The following NOM1 variants were observed in gnomAD, a reference collection of about 807,000 sequenced individuals.
NOM1 encodes the protein nucleolar protein with MIF4G domain 1.
In NOM1, 58 loss-of-function variants were observed where a neutral mutation model predicts 73.3. That is an observed-to-expected ratio of 0.79 (90% confidence interval 0.64 to 0.99). NOM1 has a LOEUF of 0.99. NOM1 is among the 50% of genes least tolerant of loss of function. NOM1 has a pLI of 0.00. For synonymous variants in NOM1, 487 were observed against 446.8 expected, an observed-to-expected ratio of 1.09 and a Z score of -1.14; for missense variants, 1,226 against 1,131.9, an observed-to-expected ratio of 1.08 and a Z score of -1.19.
chr7:156,949,776 C>A lies in NOM1; in HGVS notation c.39C>A (p.Gly13=). The change falls in exon 1 of 11, where the codon GGC becomes GGA. Residue 13 remains glycine (G), a synonymous_variant. Transcript: ENST00000275820. ...GGAGCGCGGGAGAGGCCGGCCCGGG[C>A]GGCTCCCAGGGACGCGTGGTCCGCA... ...ASRSAGEAGP[G]GSQGRVVRMK... 7.2e-7 allele frequency: 1 copy of A among 1,395,622 alleles called. No individual in the cohort carries two copies. Among genetic ancestry groups the A allele is most frequent in the Non-Finnish European group, 9.3e-7 (1 of 1,079,920 alleles). The allele number at this position is 1,395,622 out of a possible 1,614,324, so 86.5% of individuals were successfully genotyped here.
chr7:156,954,076 G>A (rs367800732), intron 2 of NOM1, 27 bp from the exon 3 acceptor site: 269 of 1,573,404 alleles, frequency 1.7e-4, no homozygotes, highest in Admixed American at 1.3e-3. Flanking sequence ...AAACATTGTT[G>A]CTCTCTGTCT....
In NOM1 at chr7:156,971,829, T is replaced by G. The variant is rs1805147604; in HGVS notation, c.*2126T>G. ...TGTCGTCCCTACAGACTTCTAACCC[T>G]GCATTCAGCAACATCATTCGACCCG... On this transcript the variant is annotated 3_prime_UTR_variant, in exon 11 of 11. Coordinates refer to ENST00000275820, the MANE Select transcript of NOM1 (RefSeq NM_138400.2). 6.6e-6 allele frequency: 1 copy of G among 152,290 alleles called. No homozygotes were observed. The allele number at this position is 152,290 out of a possible 1,614,324, so 9.4% of individuals were successfully genotyped here. A position where few individuals can be genotyped will look rare whatever the true frequency, so the allele number is the denominator to read the frequency against.
In NOM1 at chr7:156,950,593, G is replaced by A. The variant is rs1804566535; in HGVS notation, c.856G>A (p.Asp286Asn). 3 of 1,587,286 alleles carry A rather than the reference G, an allele frequency of 1.9e-6. No homozygotes were observed. The highest frequency in any genetic ancestry group is 2.6e-6 in the Non-Finnish European group (3 of 1,166,316). ...AEAQSEDDDE[D>N]TEEEQGEEKE... ...AGCGCAGAGCGAGGACGACGACGAG[G>A]ATACAGAAGAGGAACAGGGGGAAGA... is the stretch of plus-strand genomic sequence containing the variant. The change falls in exon 1 of 11, where the codon GAT becomes AAT. Residue 286 changes from aspartate to asparagine, a missense_variant. Coordinates refer to ENST00000275820, the MANE Select transcript of NOM1 (RefSeq NM_138400.2).
chr7:156,955,120 C>G (rs149981768), intron 3 of NOM1, among the ~76,000 whole-genome samples: 135 of 152,294 alleles, frequency 8.9e-4, no homozygotes, highest in African/African-American at 3.1e-3. Flanking sequence ...ATCTGGCACC[C>G]GACAGGTGCT....
At position 156,962,992 on chromosome 7, in the gene NOM1, C is replaced by T. The variant is rs1360055046; in HGVS notation, c.1744-16C>T. On this transcript the variant is annotated splice_polypyrimidine_tract_variant and intron_variant, in intron 5 of 10. Coordinates refer to ENST00000275820, the MANE Select transcript of NOM1 (RefSeq NM_138400.2). Reference sequence around the variant, plus strand: ...ACCAATTAAAAGCATTTCATTAGCTCTTCTCTCTTCATCAGGTCCGCAACG... The same window carrying T: ...ACCAATTAAAAGCATTTCATTAGCTTTTCTCTCTTCATCAGGTCCGCAACG... The T allele has an allele frequency of 1.1e-5, 18 of 1,605,762 alleles. No homozygotes were observed. Among genetic ancestry groups the T allele is most frequent in the Non-Finnish European group, 1.5e-5 (18 of 1,173,400 alleles).
chr7:156,963,881 C>T (rs758877378), intron 6 of NOM1, 24 bp from the exon 7 acceptor site: 3 of 1,607,456 alleles, frequency 1.9e-6, no homozygotes, highest in South Asian at 2.2e-5. Context: ...ATGCGTATGA[C>T]TTGTCCATTC....
chr7:156,952,915 C>T (rs1156987678), intron 2 of NOM1, among the ~76,000 whole-genome samples: 1 of 152,198 alleles, frequency 6.6e-6, no homozygotes, highest in Non-Finnish European at 1.5e-5. Flanking sequence ...GCTTATGTCC[C>T]CTCTCTGCAG....
intron 3 of NOM1, among the ~76,000 whole-genome samples, chr7:156,959,442 G>A (rs562237976): frequency 6.6e-6 from 1 of 151,514 alleles, no homozygotes; most frequent in African/African-American, 2.4e-5. Context: ...GGGTTTCACC[G>A]TGTTAGCCAG....
At position 156,966,273 on chromosome 7, in the gene NOM1, T is replaced by G. The variant is rs1804992898; in HGVS notation, c.2037T>G (p.Leu679=). The G allele has an allele frequency of 6.2e-7, 1 of 1,613,852 alleles. No individual in the cohort carries two copies. The highest frequency in any genetic ancestry group is 1.3e-5 in the African/African-American group (1 of 75,066). The change falls in exon 8 of 11, where the codon CTT becomes CTG. Residue 679 remains leucine (L), a synonymous_variant. Coordinates refer to ENST00000275820, the MANE Select transcript of NOM1 (RefSeq NM_138400.2). Reference sequence around the variant, plus strand: ...TCATTGCTGTTCTGTTTTCTAGGCTTGGACTTAAGGATCAGCAGGAGAGAG... The same window carrying G: ...TCATTGCTGTTCTGTTTTCTAGGCTGGGACTTAAGGATCAGCAGGAGAGAG... ...FLDAFEKLLK[L]GLKDQQEREI...
rs1184986551 is a variant in NOM1, at chr7:156,971,073, T to A, written c.*1370T>A. The A allele has an allele frequency of 6.6e-6, 1 of 152,228 alleles. No individual in the cohort carries two copies. The highest frequency in any genetic ancestry group is 2.4e-5 in the African/African-American group (1 of 41,462). 9.4% of individuals were successfully genotyped at this position (152,228 alleles called of 1,614,324 possible). A position where few individuals can be genotyped will look rare whatever the true frequency, so the allele number is the denominator to read the frequency against. On this transcript the variant is annotated 3_prime_UTR_variant, in exon 11 of 11. Coordinates refer to ENST00000275820, the MANE Select transcript of NOM1 (RefSeq NM_138400.2). ...CACTCACTAAGTATGGAAAACTGATTCTGGGAGGAAGCAGAAATGTCCCTA... is the reference window on the plus strand; with the variant it reads ...CACTCACTAAGTATGGAAAACTGATACTGGGAGGAAGCAGAAATGTCCCTA...
In NOM1 at chr7:156,967,542, T is replaced by TCC. The variant is rs55907527; in HGVS notation, c.2298+457_2298+458dup. Among the ~76,000 whole-genome samples, 30 of 151,324 alleles carry TCC rather than the reference T, an allele frequency of 2.0e-4. 1 individual carries two copies. The highest frequency in any genetic ancestry group is 9.7e-4 in the East Asian group (5 of 5,142). ...CATGAAACACAGACATCTTTTTTCT[T>TCC]CCCCCCCCAAGATGGGAGTTGCTCT... On this transcript the variant is annotated intron_variant, in intron 9 of 10. Coordinates refer to ENST00000275820, the MANE Select transcript of NOM1 (RefSeq NM_138400.2).
chr7:156,951,667 C>T (rs1041585053), intron 1 of NOM1, among the ~76,000 whole-genome samples: 8 of 151,946 alleles, frequency 5.3e-5, no homozygotes, highest in African/African-American at 4.8e-5. Context: ...TTGCAAACAC[C>T]ACCACCCCCC....
intron 1 of NOM1, among the ~76,000 whole-genome samples, 156 bp from the exon 2 acceptor site, chr7:156,952,318 A>G (rs1804614010): frequency 6.6e-6 from 1 of 152,200 alleles, no homozygotes; most frequent in Non-Finnish European, 1.5e-5. Flanking sequence ...CCCATATACT[A>G]AGCACTCAAT....
rs1804659864 is a variant in NOM1, at chr7:156,954,116, A to C, written c.1126A>C (p.Asn376His). 1.2e-6 allele frequency: 2 copies of C among 1,610,910 alleles called. No individual in the cohort carries two copies. Among genetic ancestry groups the C allele is most frequent in the Non-Finnish European group, 1.7e-6 (2 of 1,179,006 alleles). Residue 376 changes from asparagine (N) to histidine (H), a missense_variant, in exon 3 of 11, where the codon AAC becomes CAC. Physicochemically the swap from Asn to His is moderately conservative, Grantham distance 68. Transcript: ENST00000275820. ...KGLLNRLSEP[N>H]MASISGQLEE... Reference sequence around the variant, plus strand: ...AATTCTCTGCAGGTTGAGTGAACCCAACATGGCTTCCATCAGTGGGCAGCT... The same window carrying C: ...AATTCTCTGCAGGTTGAGTGAACCCCACATGGCTTCCATCAGTGGGCAGCT...
Position 156,960,247 on chromosome 7 carries a change from A to G in NOM1, c.1632+73A>G, listed in dbSNP as rs1412463548. On this transcript the variant is annotated intron_variant, in intron 4 of 10. Transcript: ENST00000275820. Reference sequence around the variant, plus strand: ...AACTGGCCAGAACCTAAAAATCAGTATCTGGGGTAAATATTACACTTGCTT... The same window carrying G: ...AACTGGCCAGAACCTAAAAATCAGTGTCTGGGGTAAATATTACACTTGCTT... 4.1e-6 allele frequency: 5 copies of G among 1,224,752 alleles called. No individual in the cohort carries two copies. In the Admixed American group the frequency reaches 8.9e-5, roughly 22 times the overall value. The allele number at this position is 1,224,752 out of a possible 1,614,324, so 75.9% of individuals were successfully genotyped here.
rs1268274932 is a variant in NOM1 at position 156,962,212 on chromosome 7, G to T, written c.1694G>T (p.Gly565Val). The change falls in exon 5 of 11, where the codon GGC becomes GTC. Residue 565 changes from glycine to valine, a missense_variant. By Grantham distance (109) the Gly-to-Val change is moderately radical (BLOSUM62 -3). Transcript: ENST00000275820. The stretch of plus-strand genomic sequence containing the variant: ...AACAATGACATGCGCAAAATTCCAG[G>T]CTATGACCCCGAGCCCGTGGAGAAG... Reference protein sequence around the residue: ...LKNNDMRKIPGYDPEPVEKLR... With the variant: ...LKNNDMRKIPVYDPEPVEKLR... 1 of 1,614,176 alleles carries T rather than the reference G, an allele frequency of 6.2e-7. No individual in the cohort carries two copies. The highest frequency in any genetic ancestry group is 1.1e-5 in the South Asian group (1 of 91,088).
intron 6 of NOM1, 77 bp downstream of exon 6, chr7:156,963,252 C>A: frequency 6.7e-7 from 1 of 1,495,714 alleles, no homozygotes. Flanking sequence ...TTACCTGGAG[C>A]AGCTCTCTTA....
rs147347140 is a variant in NOM1 at position 156,950,048 on chromosome 7, C to T, written c.311C>T (p.Pro104Leu). Residue 104 changes from proline to leucine, a missense_variant, in exon 1 of 11, where the codon CCC becomes CTC. Pro to Leu is a moderately conservative substitution (Grantham distance 98, BLOSUM62 -3). Coordinates refer to ENST00000275820, the MANE Select transcript of NOM1 (RefSeq NM_138400.2). ...KARRLQRTAG[P>L]EQGPGLGGRS... ...CGCCGGCTGCAGAGGACGGCGGGCC[C>T]CGAACAGGGTCCCGGCCTGGGAGGC... 3,206 of 1,543,128 alleles carry T rather than the reference C, an allele frequency of 2.1e-3. 55 individuals carry two copies. In the African/African-American group the frequency reaches 0.038, roughly 18 times the overall value.
intron 3 of NOM1, among the ~76,000 whole-genome samples, chr7:156,956,206 A>G (rs80230438): frequency 1.3e-5 from 2 of 151,092 alleles, no homozygotes; most frequent in African/African-American, 4.9e-5. Context: ...AAAAAAAAAA[A>G]GATGCACGGA....
Sources: gnomAD v4.1 joint callset for allele counts (sites outside exome capture counted in the v4.1 genomes callset) on GRCh38, gnomAD v4.1.1 for gene constraint, MANE v1.5 for transcripts, NCBI Gene and HGNC (gene_info 2026-07-23, HGNC 2026-07-21) for gene names.